The following P4HA1 variants were observed in gnomAD, a reference collection of about 807,000 sequenced individuals.
P4HA1 encodes prolyl 4-hydroxylase subunit alpha 1.
P4HA1 carries 24 observed loss-of-function variants against 72.8 expected under a neutral mutation model. The ratio of observed to expected loss-of-function variants is 0.33; its 90% CI spans 0.24 to 0.46. P4HA1 has a LOEUF of 0.46. P4HA1 is among the 20% of genes least tolerant of loss of function. P4HA1 has a pLI of 1.00. For missense variants in P4HA1, 446 were observed against 640.6 expected (o/e 0.70, Z 3.28); for synonymous variants, 201 against 218.8 (o/e 0.92, Z 0.72).
At chr10:73,072,845 G>A (rs903158144) in intron 3 of P4HA1, among the ~76,000 whole-genome samples, 4 of 152,252 alleles carry the variant, frequency 2.6e-5, no homozygotes, top group African/African-American at 7.2e-5. Context: ...GAGGTTAGAA[G>A]AGGATAGAAG....
chr10:73,074,712 GA>G (rs1168089164), intron 2 of P4HA1, 95 bp downstream of exon 2: 2 of 714,526 alleles, frequency 2.8e-6, no homozygotes, highest in Non-Finnish European at 5.1e-6. Flanking sequence ...TATACTCTAG[GA>G]ATACACTGTA....
intron 3 of P4HA1, 130 bp from the exon 4 acceptor site, chr10:73,072,310 A>T: frequency 6.0e-6 from 4 of 666,936 alleles, no homozygotes; most frequent in Non-Finnish European, 1.0e-5. Context: ...TTTTTAAAGT[A>T]AAAGTATACG....
intron 1 of P4HA1, among the ~76,000 whole-genome samples, chr10:73,088,271 G>GT (rs1841962807): frequency 6.6e-6 from 1 of 152,150 alleles, no homozygotes; most frequent in Non-Finnish European, 1.5e-5. Flanking sequence ...TCATTTTGAT[G>GT]TTTGAGTGCA....
At chr10:73,087,379 G>A (rs1016474339) in intron 1 of P4HA1, among the ~76,000 whole-genome samples, 5 of 149,758 alleles carry the variant, frequency 3.3e-5, no homozygotes, top group Non-Finnish European at 4.4e-5. Flanking sequence ...AGTGATTCTC[G>A]TGTCTCAGCC....
At chr10:73,033,353 A>G (rs1436310889) in intron 9 of P4HA1, among the ~76,000 whole-genome samples, 1 of 152,096 alleles carries the variant, frequency 6.6e-6, no homozygotes, top group Non-Finnish European at 1.5e-5. Context: ...CAACTTTTAA[A>G]TATCTAGTCT....
intron 1 of P4HA1, among the ~76,000 whole-genome samples, 183 bp downstream of exon 1, chr10:73,096,583 C>A (rs1842173736): frequency 6.6e-6 from 1 of 152,118 alleles, no homozygotes; most frequent in Admixed American, 6.5e-5. Context: ...CGCCGGGAGT[C>A]GCGTGGCGCA....
At chr10:73,073,196 C>CAGCTTCCT (rs1161835376) in intron 3 of P4HA1, among the ~76,000 whole-genome samples, 19 of 145,780 alleles carry the variant, frequency 1.3e-4, no homozygotes, top group African/African-American at 4.6e-4. Context: ...ATGTATCAGT[C>CAGCTTCCT]AGCTTCCTGT....
intron 1 of P4HA1, among the ~76,000 whole-genome samples, chr10:73,084,313 T>C (rs1344536337): frequency 6.6e-6 from 1 of 152,200 alleles, no homozygotes; most frequent in African/African-American, 2.4e-5. Context: ...ATTGTATTGT[T>C]TGGGGGTCTG....
At chr10:73,019,714 G>A (rs1233118391) in intron 10 of P4HA1, among the ~76,000 whole-genome samples, 1 of 95,844 alleles carries the variant, frequency 1.0e-5, no homozygotes, top group Non-Finnish European at 1.8e-5. Context: ...TGGCGACAGA[G>A]CGAGACTCTG....
At position 73,007,374 on chromosome 10, in the gene P4HA1, A is replaced by G. The variant is rs1839816588; in HGVS notation, c.*848T>C. ...AGGACTTGTACATTTTTAAACTTCC[A>G]GTCTCCTAAGGCACAGTATTTAATC... On this transcript the variant is annotated 3_prime_UTR_variant, in exon 15 of 15. Transcript: ENST00000394890. The G allele has an allele frequency of 6.6e-6, 1 of 152,658 alleles. No individual in the cohort carries two copies. Among genetic ancestry groups the G allele is most frequent in the African/African-American group, 2.4e-5 (1 of 41,472 alleles). 9.5% of individuals were successfully genotyped at this position (152,658 alleles called of 1,614,324 possible). A position where few individuals can be genotyped will look rare whatever the true frequency, so the allele number is the denominator to read the frequency against.
At position 73,068,929 on chromosome 10, in the gene P4HA1, T is replaced by C; in HGVS notation, c.380A>G (p.Gln127Arg). The change falls in exon 5 of 15, where the codon CAG (glutamine) becomes CGG (arginine). Residue 127 changes from glutamine (Q) to arginine (R), a missense_variant. Transcript: ENST00000394890. ...QRQYFPNDED[Q>R]VGAAKALLRL... Reference sequence around the variant, plus strand: ...TAACAGAGCTTTGGCTGCCCCAACCTGATCTTCATCATTAGGAAAGTACTG... The same window carrying C: ...TAACAGAGCTTTGGCTGCCCCAACCCGATCTTCATCATTAGGAAAGTACTG... 6.2e-7 allele frequency: 1 copy of C among 1,612,134 alleles called. No homozygotes were observed. Among genetic ancestry groups the C allele is most frequent in the Non-Finnish European group, 8.5e-7 (1 of 1,178,310 alleles).
chr10:73,060,032 T>C (rs1841275618), intron 5 of P4HA1, among the ~76,000 whole-genome samples: 1 of 152,128 alleles, frequency 6.6e-6, no homozygotes, highest in African/African-American at 2.4e-5. Flanking sequence ...TGAACTCAAC[T>C]GTATAACATG....
At chr10:73,022,030 ACTGCCT>A (rs1840147674) in intron 10 of P4HA1, among the ~76,000 whole-genome samples, 1 of 152,234 alleles carries the variant, frequency 6.6e-6, no homozygotes, top group African/African-American at 2.4e-5. Flanking sequence ...AGCAAGGCCT[ACTGCCT>A]CTGTAGACTC....
In P4HA1 at chr10:73,030,323, A is replaced by T. The variant is rs1317689960; in HGVS notation, c.1196T>A (p.Met399Lys). 2 of 1,582,106 alleles carry T rather than the reference A, an allele frequency of 1.3e-6. No homozygotes were observed. Reference protein sequence around the residue: ...YENPVVSRINMRIQDLTGLDV... With the variant: ...YENPVVSRINKRIQDLTGLDV... The stretch of plus-strand genomic sequence containing the variant: ...TAGTCCTGTTAGATCTTGTATTCTC[A>T]TATTAATTCGAGACACCACAGGATT... The change falls in exon 10 of 15, where the codon ATG becomes AAG. Residue 399 changes from methionine to lysine, a missense_variant. Transcript: ENST00000394890.
chr10:73,050,994 T>A (rs1841005737), intron 7 of P4HA1, 59 bp downstream of exon 7: 12 of 1,178,368 alleles, frequency 1.0e-5, no homozygotes, highest in Non-Finnish European at 1.4e-5. Context: ...TCTCCAGAAC[T>A]GTGTACAAAC....
chr10:73,043,907 T>C (rs1564626860), intron 9 of P4HA1: 1 of 1,612,324 alleles, frequency 6.2e-7, no homozygotes, highest in South Asian at 1.1e-5. Flanking sequence ...CTCTGTACTG[T>C]GCTGTGGTCA....
chr10:73,033,191 T>C (rs1371753144), intron 9 of P4HA1, among the ~76,000 whole-genome samples: 1 of 152,208 alleles, frequency 6.6e-6, no homozygotes, highest in Non-Finnish European at 1.5e-5. Flanking sequence ...TGACTTGATT[T>C]TTACAGGTAA....
chr10:73,060,267 A>G (rs1427923817), intron 5 of P4HA1, among the ~76,000 whole-genome samples: 3 of 150,208 alleles, frequency 2.0e-5, no homozygotes, highest in African/African-American at 7.6e-5. Context: ...TTCAGAAGAA[A>G]AGAGATATAA....
chr10:73,063,555 C>A (rs914577132), intron 5 of P4HA1, among the ~76,000 whole-genome samples: 4 of 152,280 alleles, frequency 2.6e-5, no homozygotes, highest in African/African-American at 9.6e-5. Context: ...TAAATTTTGA[C>A]AATGCTATTA....
Sources: allele counts gnomAD v4.1 joint callset (sites outside exome capture counted in the v4.1 genomes callset), GRCh38; gene constraint gnomAD v4.1.1; transcripts MANE v1.5; gene names NCBI Gene and HGNC (gene_info 2026-07-23, HGNC 2026-07-21).